RIT2: variants seen among roughly 807,000 people sequenced by gnomAD.
RIT2 encodes the protein Ras like without CAAX 2.
A neutral mutation model predicts 23.7 loss-of-function variants in RIT2; 24 were observed. The ratio of observed to expected loss-of-function variants is 1.01; its 90% CI spans 0.73 to 1.43. The LOEUF (loss-of-function observed/expected upper bound fraction) is 1.43, where lower values mean the gene tolerates loss of function less well. RIT2 is among the 40% of genes most tolerant of loss of function. The pLI, the probability that RIT2 is intolerant of heterozygous loss-of-function variation, is 0.00. For synonymous variants in RIT2, 107 were observed against 91.1 expected (o/e 1.17, Z -0.99); for missense variants, 236 against 266.9 (o/e 0.88, Z 0.81).
chr18:43,045,841 T>C (rs1912234868), intron 1 of RIT2, among the ~76,000 whole-genome samples: 1 of 152,074 alleles, frequency 6.6e-6, no homozygotes, highest in Admixed American at 6.5e-5. Flanking sequence ...TAGTCCTTCA[T>C]GAAAAAAACT....
intron 3 of RIT2, among the ~76,000 whole-genome samples, chr18:42,942,648 T>C (rs1271761497): frequency 6.6e-6 from 1 of 152,060 alleles, no homozygotes; most frequent in African/African-American, 2.4e-5. Context: ...GCTGTGTCCA[T>C]TAGGTGAACT....
At chr18:43,026,351 T>G (rs970203648) in intron 2 of RIT2, among the ~76,000 whole-genome samples, 4 of 151,790 alleles carry the variant, frequency 2.6e-5, no homozygotes, top group Non-Finnish European at 1.5e-5. Flanking sequence ...ATCAAGAGAT[T>G]GAGAACGTCC....
intron 2 of RIT2, among the ~76,000 whole-genome samples, chr18:42,987,893 A>C (rs1910750152): frequency 6.6e-6 from 1 of 152,084 alleles, no homozygotes; most frequent in Admixed American, 6.6e-5. Flanking sequence ...TTTCAGCAAG[A>C]GCCTTGTGGG....
In RIT2 at chr18:43,057,798, C is replaced by CTTTTTTTTTTTTTTT. The variant is rs11393575; in HGVS notation, c.104-23946_104-23932dup. Among the ~76,000 whole-genome samples, 556 of 122,520 alleles carry CTTTTTTTTTTTTTTT rather than the reference C, an allele frequency of 4.5e-3. 35 individuals carry two copies. Among genetic ancestry groups the CTTTTTTTTTTTTTTT allele is most frequent in the African/African-American group, 0.013 (429 of 32,876 alleles). The allele number at this position is 122,520 out of a possible 152,430, so 80.4% of individuals were successfully genotyped here. A position where few individuals can be genotyped will look rare whatever the true frequency, so the allele number is the denominator to read the frequency against. On this transcript the variant is annotated intron_variant, in intron 1 of 4. Coordinates refer to ENST00000326695, the MANE Select transcript of RIT2 (RefSeq NM_002930.4). ...GAGCTAATCTTCCAAGTGATGGACA[C>CTTTTTTTTTTTTTTT]TTTTTTTTTTTTTTTTTATCATCTA...
At chr18:43,066,440 T>TA (rs1201383688) in intron 1 of RIT2, among the ~76,000 whole-genome samples, 1 of 152,188 alleles carries the variant, frequency 6.6e-6, no homozygotes, top group East Asian at 1.9e-4. Context: ...AATTGGTACT[T>TA]ACAGAATAAA....
At chr18:43,009,651 A>G (rs538036323) in intron 2 of RIT2, among the ~76,000 whole-genome samples, 1 of 151,742 alleles carries the variant, frequency 6.6e-6, no homozygotes, top group South Asian at 2.1e-4. Flanking sequence ...TTTCTGCATC[A>G]TTGGATGCCA....
chr18:42,743,713 G>A lies in RIT2; in HGVS notation c.434C>T (p.Thr145Ile). Residue 145 changes from threonine (T) to isoleucine (I), a missense_variant, in exon 5 of 5, where the codon ACA becomes ATA. Physicochemically the swap from Thr to Ile is moderately conservative, Grantham distance 89 (BLOSUM62 -1). Transcript: ENST00000326695. ...IDLEQFRQVS[T>I]EEGLSLAQEY... is the part of the protein sequence containing the mutation. ...TTGGGCAAGACTCAAGCCTTCTTCTGTAGAAACCTAAGGAAAAAACAAATA... is the reference window on the plus strand; with the variant it reads ...TTGGGCAAGACTCAAGCCTTCTTCTATAGAAACCTAAGGAAAAAACAAATA... 1 of 1,603,980 alleles carries A rather than the reference G, an allele frequency of 6.2e-7. No homozygotes were observed. Among genetic ancestry groups the A allele is most frequent in the African/African-American group, 1.3e-5 (1 of 74,356 alleles).
At chr18:42,980,295 G>A (rs1022696331) in intron 2 of RIT2, among the ~76,000 whole-genome samples, 1 of 152,066 alleles carries the variant, frequency 6.6e-6, no homozygotes, top group African/African-American at 2.4e-5. Flanking sequence ...TTCTCATGCT[G>A]TAATATTGAG....
At chr18:42,815,930 T>C (rs1017705826) in intron 4 of RIT2, among the ~76,000 whole-genome samples, 2 of 152,134 alleles carry the variant, frequency 1.3e-5, no homozygotes, top group Non-Finnish European at 2.9e-5. Flanking sequence ...CCATAGACTA[T>C]ACATGTTGAA....
intron 1 of RIT2, among the ~76,000 whole-genome samples, chr18:43,075,816 C>T (rs776443047): frequency 2.6e-5 from 4 of 152,088 alleles, no homozygotes; most frequent in Non-Finnish European, 5.9e-5. Flanking sequence ...CAAAAATGCC[C>T]TTGCCTTTTT....
At chr18:43,073,917 A>G (rs1912953448) in intron 1 of RIT2, among the ~76,000 whole-genome samples, 1 of 152,198 alleles carries the variant, frequency 6.6e-6, no homozygotes, top group African/African-American at 2.4e-5. Context: ...ATGGAAGGGT[A>G]TTTGATAGGC....
At chr18:42,895,258 G>T (rs1248525209) in intron 4 of RIT2, among the ~76,000 whole-genome samples, 2 of 151,404 alleles carry the variant, frequency 1.3e-5, no homozygotes, top group African/African-American at 4.8e-5. Context: ...TATAACCTTT[G>T]CACAGCTTAC....
chr18:42,949,697 A>G (rs2144170568), intron 3 of RIT2, among the ~76,000 whole-genome samples: 1 of 152,232 alleles, frequency 6.6e-6, no homozygotes, highest in African/African-American at 2.4e-5. Context: ...CAACTTTCAC[A>G]AAGAATATTC....
intron 4 of RIT2, among the ~76,000 whole-genome samples, chr18:42,841,487 T>C (rs1906766570): frequency 6.6e-6 from 1 of 152,184 alleles, no homozygotes; most frequent in African/African-American, 2.4e-5. Flanking sequence ...CTCTTGATGG[T>C]TTGCTTCTTT....
In RIT2 at chr18:42,954,952, G is replaced by C. The variant is rs867234070; in HGVS notation, c.234+19122C>G. 3.3e-5 allele frequency among the ~76,000 whole-genome samples: 5 copies of C among 152,244 alleles called. 1 individual carries two copies. In the Middle Eastern group the frequency reaches 0.01, roughly 311 times the overall value. ...GCTGTATGTTTGCTTAACAATACTT[G>C]TGTTGTTGGGCATTTCGAAGTATTT... is the stretch of plus-strand genomic sequence containing the variant. On this transcript the variant is annotated intron_variant, in intron 3 of 4. Coordinates refer to ENST00000326695, the MANE Select transcript of RIT2 (RefSeq NM_002930.4).
intron 4 of RIT2, among the ~76,000 whole-genome samples, chr18:42,858,630 C>T (rs1340449748): frequency 6.6e-6 from 1 of 152,092 alleles, no homozygotes; most frequent in Non-Finnish European, 1.5e-5. Context: ...TTGCGCAAAC[C>T]TCAACACTAT....
At chr18:42,900,044 A>G (rs1908433904) in intron 4 of RIT2, among the ~76,000 whole-genome samples, 1 of 152,098 alleles carries the variant, frequency 6.6e-6, no homozygotes. Flanking sequence ...GGACCACCAG[A>G]AACTAATTAA....
At chr18:42,948,115 A>G (rs908265057) in intron 3 of RIT2, among the ~76,000 whole-genome samples, 2 of 152,154 alleles carry the variant, frequency 1.3e-5, no homozygotes, top group Admixed American at 1.3e-4. Flanking sequence ...AATGTGGCAC[A>G]TATAATATGC....
intron 2 of RIT2, among the ~76,000 whole-genome samples, chr18:42,993,617 C>G (rs1910907016): frequency 6.6e-6 from 1 of 152,084 alleles, no homozygotes. Context: ...TAGTTATCCC[C>G]ACCTGCCCAG....
Sources: gnomAD v4.1 joint callset for allele counts (sites outside exome capture counted in the v4.1 genomes callset) on GRCh38, gnomAD v4.1.1 for gene constraint, MANE v1.5 for transcripts, NCBI Gene and HGNC (gene_info 2026-07-23, HGNC 2026-07-21) for gene names.